Variants in MMP2 observed in about 807,000 individuals in gnomAD.
MMP2 encodes matrix metallopeptidase 2, also known as 72 kDa type IV collagenase.
A neutral mutation model predicts 74.8 loss-of-function variants in MMP2; 39 were observed. The ratio of observed to expected loss-of-function variants is 0.52; its 90% CI spans 0.40 to 0.68. The LOEUF is 0.68. MMP2 is among the 30% of genes least tolerant of loss of function. The pLI is 0.00. For missense variants in MMP2, 803 were observed against 878.3 expected (o/e 0.91, Z 1.08); for synonymous variants, 367 against 339.8 (o/e 1.08, Z -0.88).
intron 11 of MMP2, among the ~76,000 whole-genome samples, chr16:55,500,538 C>CACACACACACAG (rs1227112652): frequency 6.8e-5 from 10 of 147,736 alleles, no homozygotes; most frequent in African/African-American, 1.2e-4. Context: ...CACACACACA[C>CACACACACACAG]AGGCATGGAG....
chr16:55,498,539 C>G, intron 11 of MMP2, 91 bp downstream of exon 11: 1 of 1,582,046 alleles, frequency 6.3e-7, no homozygotes. Context: ...GGGCTGAGTT[C>G]AGAGGTTGGT....
chr16:55,479,532 G>T lies in MMP2; in HGVS notation c.53G>T (p.Cys18Phe), dbSNP rs769217964. 1.2e-6 allele frequency: 2 copies of T among 1,609,968 alleles called. No individual in the cohort carries two copies. The highest frequency in any genetic ancestry group is 3.4e-5 in the Admixed American group (2 of 59,696). Residue 18 changes from cysteine to phenylalanine, a missense_variant, in exon 1 of 13, where the codon TGT becomes TTT. Transcript: ENST00000219070. ...CTCACGGGTCCCCTGAGGGCGCTCTGTCTCCTGGGCTGCCTGCTGAGCCAC... is the reference window on the plus strand; with the variant it reads ...CTCACGGGTCCCCTGAGGGCGCTCTTTCTCCTGGGCTGCCTGCTGAGCCAC... ...GALTGPLRAL[C>F]LLGCLLSHAA...
chr16:55,488,488 T>C, intron 5 of MMP2, 55 bp from the exon 6 acceptor site: 2 of 1,570,004 alleles, frequency 1.3e-6, no homozygotes, highest in South Asian at 1.1e-5. Context: ...CAGCCAGCCC[T>C]GTGCCCATGG....
intron 11 of MMP2, among the ~76,000 whole-genome samples, chr16:55,502,230 A>T (rs561853177): frequency 6.6e-6 from 1 of 151,872 alleles, no homozygotes; most frequent in Non-Finnish European, 1.5e-5. Context: ...AGAAGCAGCA[A>T]TTTTTCCAAG....
chr16:55,480,783 C>T (rs1336385977), intron 1 of MMP2, among the ~76,000 whole-genome samples: 1 of 152,186 alleles, frequency 6.6e-6, no homozygotes, highest in African/African-American at 2.4e-5. Flanking sequence ...GACAACTACC[C>T]TCTCCCAACT....
rs1354982614 is a variant in MMP2 at position 55,482,883 on chromosome 16, G to A, written c.154-26G>A. The stretch of plus-strand genomic sequence containing the variant: ...CTGTGCCATCCTAATGTGGCTAATT[G>A]CCTTGGGGGTGTGCATTTCTTTCAG... On this transcript the variant is annotated intron_variant, in intron 1 of 12. Coordinates refer to ENST00000219070, the MANE Select transcript of MMP2 (RefSeq NM_004530.6). The A allele has an allele frequency of 5.0e-6, 8 of 1,600,348 alleles. No homozygotes were observed. The African/African-American group carries it at 1.1e-4, about 21-fold the overall frequency.
intron 9 of MMP2, among the ~76,000 whole-genome samples, chr16:55,493,828 C>T (rs764205662): frequency 3.3e-5 from 5 of 152,208 alleles, no homozygotes; most frequent in African/African-American, 4.8e-5. Context: ...TCTAGAATGG[C>T]GTTGCCCTCA....
At position 55,485,327 on chromosome 16, in the gene MMP2, T is replaced by C; in HGVS notation, c.558T>C (p.Gly186=). Residue 186 remains glycine, a synonymous_variant, in exon 4 of 13, where the codon GGT becomes GGC. Coordinates refer to ENST00000219070, the MANE Select transcript of MMP2 (RefSeq NM_004530.6). ...ATGGCGATGGATACCCCTTTGACGG[T>C]AAGGACGGACTCCTGGCTCATGCCT... ...WEHGDGYPFD[G]KDGLLAHAFA... The C allele has an allele frequency of 6.2e-7, 1 of 1,614,080 alleles. No individual in the cohort carries two copies. Among genetic ancestry groups the C allele is most frequent in the Non-Finnish European group, 8.5e-7 (1 of 1,180,008 alleles).
rs898803752 is a variant in MMP2, at chr16:55,497,029, G to T, written c.1576G>T (p.Ala526Ser). The T allele has an allele frequency of 6.8e-6, 11 of 1,614,046 alleles. No homozygotes were observed. The African/African-American group carries it at 1.3e-4, about 20-fold the overall frequency. Reference protein sequence around the residue: ...LPEKIDAVYEAPQEEKAVFFA... With the variant: ...LPEKIDAVYESPQEEKAVFFA... ...GGAAAAGATTGATGCGGTATACGAG[G>T]CCCCACAGGAGGAGAAGGCTGTGTT... The change falls in exon 10 of 13, where the codon GCC (alanine) becomes TCC (serine). Residue 526 changes from alanine to serine, a missense_variant. Physicochemically the swap from Ala to Ser is moderately conservative, Grantham distance 99. Around this residue, in one of 3 missense-constraint regions of MMP2, gnomAD observed 555 missense variants for 592.0 expected, o/e 0.94. Coordinates refer to ENST00000219070, the MANE Select transcript of MMP2 (RefSeq NM_004530.6).
chr16:55,479,834 T>G (rs187431534), intron 1 of MMP2, among the ~76,000 whole-genome samples: 5 of 152,116 alleles, frequency 3.3e-5, no homozygotes, highest in Admixed American at 3.3e-4. Context: ...AAGAAAACCT[T>G]TGATAAACAA....
At chr16:55,492,548 T>C (rs1012129184) in intron 8 of MMP2, among the ~76,000 whole-genome samples, 5 of 151,966 alleles carry the variant, frequency 3.3e-5, no homozygotes, top group Non-Finnish European at 1.5e-5. Context: ...GTCCAGGTGA[T>C]ATCTGAGCCA....
intron 9 of MMP2, among the ~76,000 whole-genome samples, chr16:55,494,726 G>C (rs1416977786): frequency 6.6e-6 from 1 of 152,260 alleles, no homozygotes; most frequent in Non-Finnish European, 1.5e-5. Context: ...CACAAGTCCA[G>C]TTTGAGAAAT....
Position 55,505,983 on chromosome 16 carries a change from G to GT in MMP2, c.*551dup, listed in dbSNP as rs886052128. 337 of 158,744 alleles carry GT rather than the reference G, an allele frequency of 2.1e-3. No homozygotes were observed. The highest frequency in any genetic ancestry group is 6.3e-3 in the Middle Eastern group (2 of 316). 9.8% of individuals were successfully genotyped at this position (158,744 alleles called of 1,614,324 possible). A position where few individuals can be genotyped will look rare whatever the true frequency, so the allele number is the denominator to read the frequency against. ...CACTTTGTTTTTTTCTTTGGGTCTT[G>GT]TTTTTTTTTTCCACTTAGAAATTGC... is the stretch of plus-strand genomic sequence containing the variant. On this transcript the variant is annotated 3_prime_UTR_variant, in exon 13 of 13. Coordinates refer to ENST00000219070, the MANE Select transcript of MMP2 (RefSeq NM_004530.6).
At chr16:55,502,737 T>G in intron 11 of MMP2, 42 bp from the exon 12 acceptor site, 1 of 1,563,864 alleles carries the variant, frequency 6.4e-7, no homozygotes, top group Non-Finnish European at 8.8e-7. Flanking sequence ...GAAGTGTCCT[T>G]TAGAGAGGCC....
intron 10 of MMP2, among the ~76,000 whole-genome samples, 191 bp downstream of exon 10, chr16:55,497,253 G>A (rs1433570250): frequency 4.6e-5 from 7 of 152,102 alleles, no homozygotes; most frequent in African/African-American, 1.4e-4. Flanking sequence ...GATTGGTTCC[G>A]ACACCCAACA....
intron 6 of MMP2, 93 bp from the exon 7 acceptor site, chr16:55,489,558 G>A: frequency 6.8e-7 from 1 of 1,466,324 alleles, no homozygotes; most frequent in Non-Finnish European, 9.5e-7. Flanking sequence ...TCTAACTTAG[G>A]TGTGGTTCAT....
At chr16:55,485,462 C>G (rs1212070825) in intron 4 of MMP2, 35 bp downstream of exon 4, 1 of 1,613,910 alleles carries the variant, frequency 6.2e-7, no homozygotes, top group African/African-American at 1.3e-5. Context: ...CCCAGACCTT[C>G]TCTCCTGTCC....
intron 11 of MMP2, among the ~76,000 whole-genome samples, chr16:55,499,544 C>T (rs1375245058): frequency 6.6e-6 from 1 of 152,134 alleles, no homozygotes; most frequent in Non-Finnish European, 1.5e-5. Context: ...AGGTTATCTA[C>T]AGGAAAGGGT....
intron 7 of MMP2, among the ~76,000 whole-genome samples, chr16:55,490,747 T>C (rs1962385272): frequency 6.6e-6 from 1 of 152,202 alleles, no homozygotes; most frequent in Non-Finnish European, 1.5e-5. Context: ...GAGGTTTTCT[T>C]ATCCCCTGCT....
Sources: allele counts gnomAD v4.1 joint callset (sites outside exome capture counted in the v4.1 genomes callset), GRCh38; gene constraint gnomAD v4.1.1; regional missense constraint gnomAD v4.1.1; transcripts MANE v1.5; gene names NCBI Gene and HGNC (gene_info 2026-07-23, HGNC 2026-07-21).